P3H2: variants seen among roughly 807,000 people sequenced by gnomAD.
P3H2 encodes the protein prolyl 3-hydroxylase 2, also known as leprecan-like 1.
Under a neutral mutation model 87.0 loss-of-function variants are expected in P3H2, and 80 were observed. The observed-to-expected ratio is 0.92, with a 90% CI of 0.77 to 1.11. P3H2 has a LOEUF of 1.11. Among genes scored for constraint, P3H2 ranks in the 50% least tolerant of loss-of-function variants. The probability of loss-of-function intolerance (pLI) is 0.00; values close to 1 mark genes in which losing one functional copy is unlikely to be tolerated. For synonymous variants in P3H2, 367 were observed against 359.3 expected, an observed-to-expected ratio of 1.02 and a Z score of -0.24; for missense variants, 1,001 against 923.9, an observed-to-expected ratio of 1.08 and a Z score of -1.08.
chr3:190,037,619 T>G (rs1725465696), intron 1 of P3H2, among the ~76,000 whole-genome samples: 1 of 152,224 alleles, frequency 6.6e-6, no homozygotes, highest in Non-Finnish European at 1.5e-5. Flanking sequence ...TTACAATTAC[T>G]GATCAGCATG....
At chr3:190,093,228 T>G (rs530036104) in intron 1 of P3H2, among the ~76,000 whole-genome samples, 1 of 152,238 alleles carries the variant, frequency 6.6e-6, no homozygotes, top group Non-Finnish European at 1.5e-5. Context: ...GGCAGAGACA[T>G]AGCTCTGTGT....
At chr3:190,067,790 A>C (rs570250259) in intron 1 of P3H2, among the ~76,000 whole-genome samples, 1 of 152,278 alleles carries the variant, frequency 6.6e-6, no homozygotes, top group South Asian at 2.1e-4. Context: ...AAAATTATTT[A>C]TCTATATCTG....
Position 189,996,565 on chromosome 3 carries a change from A to G in P3H2, c.481-1123T>C, listed in dbSNP as rs114573003. 7.6e-3 allele frequency among the ~76,000 whole-genome samples: 1,152 copies of G among 152,344 alleles called. 14 individuals carry two copies. The highest frequency in any genetic ancestry group is 0.027 in the African/African-American group (1,106 of 41,582). The stretch of plus-strand genomic sequence containing the variant: ...ATTGCACAGTAGGATAACAATAGCT[A>G]ACAATTATGTATTGTATATTTCAGA... On this transcript the variant is annotated intron_variant, in intron 1 of 14. Coordinates refer to ENST00000319332, the MANE Select transcript of P3H2 (RefSeq NM_018192.4).
intron 1 of P3H2, among the ~76,000 whole-genome samples, chr3:190,084,199 C>T (rs1424337993): frequency 1.3e-5 from 2 of 152,134 alleles, no homozygotes; most frequent in Non-Finnish European, 2.9e-5. Flanking sequence ...GCAAGAATTT[C>T]CCGAATAATT....
intron 1 of P3H2, among the ~76,000 whole-genome samples, chr3:190,102,648 T>A (rs1420240704): frequency 1.3e-5 from 2 of 150,870 alleles, no homozygotes; most frequent in African/African-American, 4.9e-5. Context: ...CTGGTGAAGA[T>A]GCAGTGAACA....
intron 1 of P3H2, among the ~76,000 whole-genome samples, chr3:190,093,581 C>T (rs902006901): frequency 1.3e-5 from 2 of 152,224 alleles, no homozygotes; most frequent in South Asian, 2.1e-4. Context: ...AAGGAAGGAT[C>T]GTGATGAACC....
intron 1 of P3H2, among the ~76,000 whole-genome samples, chr3:189,995,867 T>C (rs1577261923): frequency 6.6e-6 from 1 of 152,084 alleles, no homozygotes. Flanking sequence ...ATGCTCCACA[T>C]CACTAATCAC....
At chr3:190,112,240 G>C (rs1422642579) in intron 1 of P3H2, among the ~76,000 whole-genome samples, 1 of 152,112 alleles carries the variant, frequency 6.6e-6, no homozygotes, top group Middle Eastern at 3.2e-3. Flanking sequence ...CATTTACTTT[G>C]ATCAACTCGA....
intron 1 of P3H2, among the ~76,000 whole-genome samples, chr3:190,045,257 T>C (rs62279613): frequency 0.17 from 25,357 of 152,156 alleles, 2,363 homozygotes; most frequent in East Asian, 0.31. Context: ...TGTGAAAAGC[T>C]TGGATTTATT....
Position 190,120,670 on chromosome 3 carries a change from G to GGCGGCGGCAGTA in P3H2, c.50_61dup (p.Leu17_Pro20dup), listed in dbSNP as rs1180891540. ...GCTGTCCGGGGGGCCGCCCCACAGT[G>GGCGGCGGCAGTA]GCGGCGGCAGTAGCAGCGGCAGCAG... is the stretch of plus-strand genomic sequence containing the variant. On this transcript the variant is annotated inframe_insertion, in exon 1 of 15. Coordinates refer to ENST00000319332, the MANE Select transcript of P3H2 (RefSeq NM_018192.4). 5.9e-6 allele frequency: 9 copies of GGCGGCGGCAGTA among 1,523,248 alleles called. No homozygotes were observed. In the East Asian group the frequency reaches 2.3e-4, roughly 38 times the overall value. The allele number at this position is 1,523,248 out of a possible 1,614,324, so 94.4% of individuals were successfully genotyped here. A position where few individuals can be genotyped will look rare whatever the true frequency, so the allele number is the denominator to read the frequency against.
intron 8 of P3H2, 68 bp from the exon 9 acceptor site, chr3:189,974,753 A>C: frequency 6.3e-7 from 1 of 1,591,742 alleles, no homozygotes. Flanking sequence ...AGAATACCAA[A>C]CAGCTTTCAA....
In P3H2 at chr3:190,004,919, CCA is replaced by C. The variant is rs199622191; in HGVS notation, c.481-9479_481-9478del. On this transcript the variant is annotated intron_variant, in intron 1 of 14. Transcript: ENST00000319332. ...AAGTCAGCTTCCTAATTGTTCACTA[CCA>C]CAGTTATGTCTCTACAACCAATAGC... 9.7e-3 allele frequency among the ~76,000 whole-genome samples: 1,480 copies of C among 152,298 alleles called. 10 individuals carry two copies. Among genetic ancestry groups the C allele is most frequent in the Non-Finnish European group, 0.013 (866 of 68,034 alleles).
At chr3:190,098,415 AAC>A (rs1261829501) in intron 1 of P3H2, among the ~76,000 whole-genome samples, 1 of 152,212 alleles carries the variant, frequency 6.6e-6, no homozygotes, top group Non-Finnish European at 1.5e-5. Context: ...TGAAAGTGAC[AAC>A]AGTCATAATT....
At chr3:189,981,448 G>A (rs1310609236) in intron 8 of P3H2, among the ~76,000 whole-genome samples, 1 of 152,166 alleles carries the variant, frequency 6.6e-6, no homozygotes, top group Non-Finnish European at 1.5e-5. Flanking sequence ...GGCCACAGAA[G>A]TATTCTGTAT....
chr3:190,099,993 G>A (rs1447379695), intron 1 of P3H2, among the ~76,000 whole-genome samples: 1 of 152,138 alleles, frequency 6.6e-6, no homozygotes, highest in Non-Finnish European at 1.5e-5. Flanking sequence ...CAGCACTCTG[G>A]GAGGCCGAGG....
At chr3:190,059,965 G>T (rs1726284852) in intron 1 of P3H2, among the ~76,000 whole-genome samples, 1 of 152,130 alleles carries the variant, frequency 6.6e-6, no homozygotes, top group Admixed American at 6.6e-5. Context: ...AAGGAGAAAA[G>T]ACAGGAAATT....
rs1204586892 is a variant in P3H2 at position 189,994,657 on chromosome 3, GTTTT to G, written c.634-378_634-375del. On this transcript the variant is annotated intron_variant, in intron 2 of 14. Coordinates refer to ENST00000319332, the MANE Select transcript of P3H2 (RefSeq NM_018192.4). ...ACATCCACTTTTAGGCCCTGCCTGT[GTTTT>G]TTGTTTTTTTTTTTTAATATTTTCT... is the stretch of plus-strand genomic sequence containing the variant. Among the ~76,000 whole-genome samples the G allele has an allele frequency of 1.6e-4, 10 of 63,760 alleles. No homozygotes were observed. In the South Asian group the frequency reaches 5.5e-3, roughly 35 times the overall value. The allele number at this position is 63,760 out of a possible 152,430, so 41.8% of individuals were successfully genotyped here. A position where few individuals can be genotyped will look rare whatever the true frequency, so the allele number is the denominator to read the frequency against.
In P3H2 at chr3:190,120,740, T is replaced by G; in HGVS notation, c.-9A>C. ...CAGATGCGCTCCCGCATCCTCCGCC[T>G]CAGAGAGGCGCGGGACGGTTACGCT... On this transcript the variant is annotated 5_prime_UTR_variant, in exon 1 of 15. Transcript: ENST00000319332. The G allele has an allele frequency of 6.6e-7, 1 of 1,518,156 alleles. No homozygotes were observed. The highest frequency in any genetic ancestry group is 8.8e-7 in the Non-Finnish European group (1 of 1,140,376). 94.0% of individuals were successfully genotyped at this position (1,518,156 alleles called of 1,614,324 possible). A position where few individuals can be genotyped will look rare whatever the true frequency, so the allele number is the denominator to read the frequency against.
intron 1 of P3H2, among the ~76,000 whole-genome samples, chr3:190,073,021 G>A (rs1726755833): frequency 6.6e-6 from 1 of 152,114 alleles, no homozygotes; most frequent in Non-Finnish European, 1.5e-5. Context: ...CATTTTAACT[G>A]CATTCATATC....
Sources: gnomAD v4.1 joint callset for allele counts (sites outside exome capture counted in the v4.1 genomes callset) on GRCh38, gnomAD v4.1.1 for gene constraint, MANE v1.5 for transcripts, NCBI Gene and HGNC (gene_info 2026-07-23, HGNC 2026-07-21) for gene names.